Variants in GSAP observed in about 807,000 individuals in gnomAD.
GSAP encodes gamma-secretase activating protein, also known as gamma-secretase-activating protein.
In GSAP, 118 loss-of-function variants were observed where a neutral mutation model predicts 131.7. That is an observed-to-expected ratio of 0.90 (90% confidence interval 0.77 to 1.04). The LOEUF (loss-of-function observed/expected upper bound fraction) is 1.04. Among genes scored for constraint, GSAP ranks in the 50% least tolerant of loss-of-function variants. The pLI is 0.00. For synonymous variants in GSAP, 381 were observed against 363.4 expected, an observed-to-expected ratio of 1.05 and a Z score of -0.55; for missense variants, 1,019 against 1,013.2, an observed-to-expected ratio of 1.01 and a Z score of -0.08.
chr7:77,414,860 T>C (rs1009146522), intron 1 of GSAP, among the ~76,000 whole-genome samples: 2 of 128,082 alleles, frequency 1.6e-5, no homozygotes, highest in African/African-American at 6.0e-5. Context: ...TTTTTTTTTT[T>C]TTTTTTTTTT....
At chr7:77,390,586 GA>G (rs1381245668) in intron 5 of GSAP, among the ~76,000 whole-genome samples, 1 of 152,028 alleles carries the variant, frequency 6.6e-6, no homozygotes, top group African/African-American at 2.4e-5. Context: ...TCAAAGATCA[GA>G]TAGTTGTAGA....
chr7:77,323,298 T>C (rs1787907134), intron 24 of GSAP, among the ~76,000 whole-genome samples: 1 of 152,258 alleles, frequency 6.6e-6, no homozygotes, highest in Admixed American at 6.5e-5. Flanking sequence ...AGTTCTCTCC[T>C]GTCTGCATAA....
At chr7:77,378,344 C>T (rs913657598) in intron 8 of GSAP, among the ~76,000 whole-genome samples, 3 of 151,936 alleles carry the variant, frequency 2.0e-5, no homozygotes, top group African/African-American at 7.3e-5. Context: ...ATTAGCCAGG[C>T]ATGGTGGTGC....
chr7:77,392,219 C>T (rs1313126234), intron 5 of GSAP, among the ~76,000 whole-genome samples: 1 of 144,662 alleles, frequency 6.9e-6, no homozygotes, highest in Non-Finnish European at 1.5e-5. Flanking sequence ...AAGACTCCAT[C>T]TCAGGAAAAA....
chr7:77,338,308 A>T (rs1790346449), intron 19 of GSAP, among the ~76,000 whole-genome samples: 1 of 152,188 alleles, frequency 6.6e-6, no homozygotes, highest in South Asian at 2.1e-4. Flanking sequence ...ACTCTTAATG[A>T]CATTCCTTTT....
chr7:77,320,340 G>C (rs1045841424), intron 26 of GSAP, among the ~76,000 whole-genome samples: 1 of 152,158 alleles, frequency 6.6e-6, no homozygotes. Context: ...GCCTCCAAGC[G>C]TATAAGAATC....
chr7:77,389,202 C>T (rs912210529), intron 5 of GSAP, among the ~76,000 whole-genome samples: 1 of 151,498 alleles, frequency 6.6e-6, no homozygotes, highest in Non-Finnish European at 1.5e-5. Flanking sequence ...CACGAACTGA[C>T]ATTTTTTTGA....
chr7:77,346,975 G>A (rs1323539325), intron 19 of GSAP, among the ~76,000 whole-genome samples: 1 of 117,808 alleles, frequency 8.5e-6, no homozygotes, highest in African/African-American at 3.4e-5. Flanking sequence ...TCTGATTGCA[G>A]ATCTTAAGAC....
intron 5 of GSAP, among the ~76,000 whole-genome samples, chr7:77,393,576 C>A (rs1563106802): frequency 6.6e-6 from 1 of 151,850 alleles, no homozygotes; most frequent in African/African-American, 2.4e-5. Flanking sequence ...CTGTTCTAGC[C>A]AAAAACCTTA....
intron 5 of GSAP, 68 bp from the exon 6 acceptor site, chr7:77,387,516 G>A: frequency 1.2e-6 from 1 of 846,626 alleles, no homozygotes; most frequent in South Asian, 1.4e-5. Flanking sequence ...CCAAAGCAAG[G>A]AGTAAGAACA....
chr7:77,397,194 C>T (rs1158804149), intron 4 of GSAP, 152 bp downstream of exon 4: 4 of 683,784 alleles, frequency 5.8e-6, no homozygotes, highest in Admixed American at 5.8e-5. Context: ...ATATCCTCTA[C>T]ATTCTTTATT....
rs1284540464 is a variant in GSAP, at chr7:77,378,051, TGC to T, written c.577-663_577-662del. 5.3e-5 allele frequency among the ~76,000 whole-genome samples: 8 copies of T among 152,256 alleles called. No homozygotes were observed. In the East Asian group the frequency reaches 1.5e-3, roughly 29 times the overall value. ...CCTGTTTTCCAATGGTGCATTGGCA[TGC>T]TGCTTTGACAATTACATTTTAATTA... On this transcript the variant is annotated intron_variant, in intron 8 of 30. Transcript: ENST00000257626.
intron 10 of GSAP, 106 bp downstream of exon 10, chr7:77,376,742 A>G (rs1364480012): frequency 1.6e-6 from 1 of 630,048 alleles, no homozygotes; most frequent in Non-Finnish European, 2.8e-6. Flanking sequence ...GCGCCACTGC[A>G]CCCAGCGTGT....
intron 6 of GSAP, among the ~76,000 whole-genome samples, chr7:77,386,680 C>A (rs1185996787): frequency 6.6e-6 from 1 of 152,130 alleles, no homozygotes. Flanking sequence ...GCCGTTTAAA[C>A]TGTGAAATCG....
intron 8 of GSAP, among the ~76,000 whole-genome samples, chr7:77,378,787 A>G (rs962641950): frequency 6.6e-6 from 1 of 152,232 alleles, no homozygotes; most frequent in Non-Finnish European, 1.5e-5. Context: ...ATAATTTAAC[A>G]GAAGCAGTTA....
chr7:77,327,836 G>T (rs76665747), intron 22 of GSAP, among the ~76,000 whole-genome samples: 1 of 151,720 alleles, frequency 6.6e-6, no homozygotes, highest in African/African-American at 2.4e-5. Context: ...AGCCATCCCC[G>T]CTCCTAACCT....
chr7:77,414,356 T>A (rs1803886495), intron 1 of GSAP, among the ~76,000 whole-genome samples: 1 of 152,242 alleles, frequency 6.6e-6, no homozygotes, highest in Non-Finnish European at 1.5e-5. Flanking sequence ...GCCACTGCTA[T>A]AAATTACAGA....
At chr7:77,397,123 G>T in intron 4 of GSAP, 88 bp from the exon 5 acceptor site, 1 of 844,696 alleles carries the variant, frequency 1.2e-6, no homozygotes, top group African/African-American at 1.7e-5. Context: ...AATAGATGAG[G>T]GCTCAAAGGA....
intron 19 of GSAP, among the ~76,000 whole-genome samples, chr7:77,347,704 A>T (rs74767810): frequency 6.6e-6 from 1 of 152,156 alleles, no homozygotes; most frequent in African/African-American, 2.4e-5. Context: ...AATTTATCTA[A>T]TATCTGTAGA....
Sources: allele counts gnomAD v4.1 joint callset (sites outside exome capture counted in the v4.1 genomes callset), GRCh38; gene constraint gnomAD v4.1.1; transcripts MANE v1.5; gene names NCBI Gene and HGNC (gene_info 2026-07-23, HGNC 2026-07-21).